The following NUP205 variants were observed in gnomAD, a reference collection of about 807,000 sequenced individuals.
NUP205 encodes nucleoporin 205, also known as nuclear pore complex protein Nup205.
NUP205 carries 76 observed loss-of-function variants against 253.8 expected under a neutral mutation model. That is an observed-to-expected ratio of 0.30 (90% confidence interval 0.25 to 0.36). The LOEUF is 0.36. Among genes scored for constraint, NUP205 ranks in the 10% least tolerant of loss-of-function variants. NUP205 has a pLI of 1.00. For synonymous variants in NUP205, 832 were observed against 850.1 expected (o/e 0.98, Z 0.37); for missense variants, 2,162 against 2,425.5 (o/e 0.89, Z 2.28).
chr7:135,582,510 A>C (rs1484999041), intron 7 of NUP205, among the ~76,000 whole-genome samples: 2 of 152,156 alleles, frequency 1.3e-5, no homozygotes, highest in Non-Finnish European at 2.9e-5. Context: ...TGTTTGAGAT[A>C]GTGGCTTCCC....
At chr7:135,580,409 A>G (rs1806273171) in intron 7 of NUP205, among the ~76,000 whole-genome samples, 1 of 152,176 alleles carries the variant, frequency 6.6e-6, no homozygotes. Flanking sequence ...TTATTTCACT[A>G]CTTTTCTGAC....
chr7:135,610,412 G>C (rs1240390617), intron 22 of NUP205, among the ~76,000 whole-genome samples: 2 of 152,176 alleles, frequency 1.3e-5, no homozygotes, highest in African/African-American at 2.4e-5. Context: ...TAGAGAGGGG[G>C]CTTCACCATG....
chr7:135,565,787 C>T (rs571204249), intron 1 of NUP205, among the ~76,000 whole-genome samples: 2 of 152,292 alleles, frequency 1.3e-5, no homozygotes, highest in South Asian at 4.1e-4. Context: ...CACCATTTTC[C>T]TACAATGCCA....
Position 135,604,392 on chromosome 7 carries a change from A to T in NUP205, c.2755A>T (p.Ile919Phe). 6.2e-7 allele frequency: 1 copy of T among 1,613,110 alleles called. No homozygotes were observed. ...AGAATTGGCTTTTGAAAGTGCCAAG[A>T]TCCTCTGTTGTATCTCTTGCAACTC... ...NPELAFESAKILCCISCNSNI... is the reference protein window; with the variant it reads ...NPELAFESAKFLCCISCNSNI... Residue 919 changes from isoleucine to phenylalanine, a missense_variant, in exon 19 of 43, where the codon ATC becomes TTC. By Grantham distance (21) the Ile-to-Phe change is conservative. Coordinates refer to ENST00000285968, the MANE Select transcript of NUP205 (RefSeq NM_015135.3).
chr7:135,587,816 C>A, intron 9 of NUP205, 39 bp from the exon 10 acceptor site: 1 of 1,576,478 alleles, frequency 6.3e-7, no homozygotes, highest in South Asian at 1.2e-5. Flanking sequence ...ATTTTTCAGT[C>A]ATAGACATTT....
intron 35 of NUP205, among the ~76,000 whole-genome samples, chr7:135,634,632 T>C (rs1371455857): frequency 6.6e-6 from 1 of 152,168 alleles, no homozygotes; most frequent in Non-Finnish European, 1.5e-5. Context: ...ATAGGAAAAC[T>C]CTTCTGTGGC....
At chr7:135,564,065 C>T (rs1428279984) in intron 1 of NUP205, among the ~76,000 whole-genome samples, 2 of 151,646 alleles carry the variant, frequency 1.3e-5, no homozygotes, top group South Asian at 2.1e-4. Flanking sequence ...GTTGCGGCTA[C>T]CTTTGGTGTT....
intron 24 of NUP205, among the ~76,000 whole-genome samples, chr7:135,616,295 C>T (rs1179227085): frequency 6.6e-6 from 1 of 152,052 alleles, no homozygotes; most frequent in Non-Finnish European, 1.5e-5. Context: ...ACAAAATTGT[C>T]AGTGGAGTTT....
At chr7:135,633,360 C>G (rs973374579) in intron 35 of NUP205, among the ~76,000 whole-genome samples, 17 of 152,154 alleles carry the variant, frequency 1.1e-4, no homozygotes, top group Admixed American at 1.3e-4. Flanking sequence ...AATGATCCTC[C>G]TGCCTCAGCC....
Position 135,573,844 on chromosome 7 carries a change from G to A in NUP205, c.343+19G>A. The stretch of plus-strand genomic sequence containing the variant: ...CTTGCTGGTAGGTTGACATTTAACT[G>A]AAACAGTGGTAAAATAATGCAAAAT... On this transcript the variant is annotated intron_variant, in intron 3 of 42. Coordinates refer to ENST00000285968, the MANE Select transcript of NUP205 (RefSeq NM_015135.3). The A allele has an allele frequency of 1.3e-6, 2 of 1,587,866 alleles. No homozygotes were observed. The highest frequency in any genetic ancestry group is 1.7e-6 in the Non-Finnish European group (2 of 1,164,964).
chr7:135,593,015 T>C lies in NUP205; in HGVS notation c.1653T>C (p.Ser551=), dbSNP rs1173619232. ...HVENIQGAGG[S]PVSWEHFFHS... Reference sequence around the variant, plus strand: ...AAAATATTCAGGGAGCAGGTGGCAGTCCTGTTTCCTGGGAACATTTCTTTC... The same window carrying C: ...AAAATATTCAGGGAGCAGGTGGCAGCCCTGTTTCCTGGGAACATTTCTTTC... Residue 551 remains serine, a synonymous_variant, in exon 12 of 43, where the codon AGT becomes AGC. Transcript: ENST00000285968. 1 of 1,613,798 alleles carries C rather than the reference T, an allele frequency of 6.2e-7. No homozygotes were observed. Among genetic ancestry groups the C allele is most frequent in the Non-Finnish European group, 8.5e-7 (1 of 1,179,764 alleles).
At chr7:135,570,090 G>A (rs899976489) in intron 1 of NUP205, among the ~76,000 whole-genome samples, 1 of 147,216 alleles carries the variant, frequency 6.8e-6, no homozygotes, top group Non-Finnish European at 1.5e-5. Context: ...GAGAGAGAGA[G>A]AGAGAAACTG....
At chr7:135,588,013 C>G in intron 10 of NUP205, 21 bp downstream of exon 10, 1 of 1,595,118 alleles carries the variant, frequency 6.3e-7, no homozygotes, top group Non-Finnish European at 8.5e-7. Flanking sequence ...AGGTTTTCCT[C>G]TTTTATACTC....
At chr7:135,566,802 A>G (rs932597919) in intron 1 of NUP205, among the ~76,000 whole-genome samples, 4 of 152,042 alleles carry the variant, frequency 2.6e-5, no homozygotes, top group Admixed American at 1.3e-4. Context: ...CAGTGGCGCA[A>G]TCTCGGCTCA....
At position 135,561,337 on chromosome 7, in the gene NUP205, C is replaced by CTT. The variant is rs570771601; in HGVS notation, c.28+3366_28+3367insTT. 1.2e-3 allele frequency among the ~76,000 whole-genome samples: 178 copies of CTT among 152,284 alleles called. 1 individual carries two copies. Among genetic ancestry groups the CTT allele is most frequent in the African/African-American group, 4.0e-3 (166 of 41,546 alleles). ...CCAGCCTAGGCAACAGAGCGAGACT[C>CTT]TGTCTTAAAAACAAACAAACAAAAA... On this transcript the variant is annotated intron_variant, in intron 1 of 42. Coordinates refer to ENST00000285968, the MANE Select transcript of NUP205 (RefSeq NM_015135.3).
chr7:135,569,605 A>G (rs777019584), intron 1 of NUP205, among the ~76,000 whole-genome samples: 3 of 151,886 alleles, frequency 2.0e-5, no homozygotes, highest in Admixed American at 6.6e-5. Context: ...CCATATTTAT[A>G]AAATGGAGGA....
intron 38 of NUP205, among the ~76,000 whole-genome samples, chr7:135,640,669 T>G (rs1226892694): frequency 6.6e-6 from 1 of 152,190 alleles, no homozygotes; most frequent in Non-Finnish European, 1.5e-5. Context: ...TAGTTTGTCA[T>G]ATTAAGACAA....
intron 1 of NUP205, among the ~76,000 whole-genome samples, chr7:135,565,520 CTCCCAGGGTTCAAGCTA>C (rs1229788156): frequency 1.3e-5 from 2 of 150,998 alleles, no homozygotes; most frequent in Non-Finnish European, 3.0e-5. Context: ...GCAACCGCCA[CTCCCAGGGTTCAAGCTA>C]TTCTCCTGCC....
At chr7:135,574,966 G>T (rs760945199) in intron 3 of NUP205, among the ~76,000 whole-genome samples, 1 of 152,082 alleles carries the variant, frequency 6.6e-6, no homozygotes, top group African/African-American at 2.4e-5. Context: ...GAATGAGGGG[G>T]ATGTTCACTA....
Sources: gnomAD v4.1 joint callset for allele counts (sites outside exome capture counted in the v4.1 genomes callset) on GRCh38, gnomAD v4.1.1 for gene constraint, MANE v1.5 for transcripts, NCBI Gene and HGNC (gene_info 2026-07-23, HGNC 2026-07-21) for gene names.